MAP7: variants seen among roughly 807,000 people sequenced by gnomAD.
MAP7 encodes ensconsin.
In MAP7, 52 loss-of-function variants were observed where a neutral mutation model predicts 94.8. That is an observed-to-expected ratio of 0.55 (90% CI 0.44 to 0.69). The LOEUF (loss-of-function observed/expected upper bound fraction) is 0.69. MAP7 is among the 30% of genes least tolerant of loss of function. The pLI is 0.00. For missense variants in MAP7, 940 were observed against 964.6 expected (o/e 0.97, Z 0.34); for synonymous variants, 350 against 357.0 (o/e 0.98, Z 0.22).
chr6:136,436,396 T>A (rs200502853), intron 1 of MAP7, among the ~76,000 whole-genome samples: 5 of 149,502 alleles, frequency 3.3e-5, no homozygotes, highest in Non-Finnish European at 7.4e-5. Context: ...TTTTTTTTTT[T>A]AAAGATGGGG....
intron 1 of MAP7, among the ~76,000 whole-genome samples, chr6:136,423,127 T>C (rs1291540806): frequency 6.6e-6 from 1 of 152,200 alleles, no homozygotes; most frequent in Non-Finnish European, 1.5e-5. Context: ...TTCAAGGCCC[T>C]TTCTCCCAGC....
chr6:136,476,287 T>A (rs893187069), intron 1 of MAP7: 1 of 152,220 alleles, frequency 6.6e-6, no homozygotes, highest in Non-Finnish European at 1.5e-5. Flanking sequence ...TCTCAAGAGC[T>A]GTGCTGTCCA....
intron 1 of MAP7, among the ~76,000 whole-genome samples, chr6:136,431,492 C>CTTTATTTATTTATTTATTTA (rs10562140): frequency 2.8e-5 from 4 of 145,352 alleles, no homozygotes; most frequent in Non-Finnish European, 4.5e-5. Flanking sequence ...CTTTTTAATG[C>CTTTATTTATTTATTTATTTA]TTTATTTATT....
intron 1 of MAP7, among the ~76,000 whole-genome samples, chr6:136,530,150 T>G (rs1828362178): frequency 6.6e-6 from 1 of 152,202 alleles, no homozygotes; most frequent in Non-Finnish European, 1.5e-5. Flanking sequence ...AAATTTCCCT[T>G]TCTAAAAGCC....
chr6:136,389,685 T>C (rs1780160217), intron 3 of MAP7, among the ~76,000 whole-genome samples, 168 bp from the exon 4 acceptor site: 2 of 152,074 alleles, frequency 1.3e-5, no homozygotes, highest in Non-Finnish European at 2.9e-5. Context: ...CCAAGAAAAA[T>C]GTATTACTGT....
At chr6:136,461,082 T>C (rs985208426) in intron 1 of MAP7, among the ~76,000 whole-genome samples, 13 of 152,326 alleles carry the variant, frequency 8.5e-5, no homozygotes, top group African/African-American at 2.6e-4. Context: ...TATCCCATTG[T>C]ACACCTTAAA....
intron 16 of MAP7, among the ~76,000 whole-genome samples, chr6:136,349,367 T>C (rs772915382): frequency 2.0e-4 from 30 of 152,236 alleles, no homozygotes; most frequent in Non-Finnish European, 3.7e-4. Context: ...ATATATGTTA[T>C]TAATATATAT....
At chr6:136,497,777 G>A (rs1321932329) in intron 1 of MAP7, among the ~76,000 whole-genome samples, 2 of 118,374 alleles carry the variant, frequency 1.7e-5, no homozygotes, top group African/African-American at 6.8e-5. Context: ...CAGCCTGGGT[G>A]ACAGAGCCAG....
At position 136,409,609 on chromosome 6, in the gene MAP7, A is replaced by AAAG. The variant is rs574996055; in HGVS notation, c.244+2008_244+2010dup. Among the ~76,000 whole-genome samples, 308 of 152,332 alleles carry AAAG rather than the reference A, an allele frequency of 2.0e-3. 1 individual carries two copies. The highest frequency in any genetic ancestry group is 6.7e-3 in the African/African-American group (279 of 41,572). ...TAATGCCTGCTCTTCTATCCCTTTG[A>AAAG]AAGGCTCCTTTCATCCTTTAGTTGG... On this transcript the variant is annotated intron_variant, in intron 3 of 17. Coordinates refer to ENST00000354570, the MANE Select transcript of MAP7 (RefSeq NM_003980.6).
At chr6:136,364,454 T>C in intron 10 of MAP7, 1 of 284,372 alleles carries the variant, frequency 3.5e-6, no homozygotes, top group Non-Finnish European at 6.8e-6. Context: ...CTTTGGTCTT[T>C]TTGACTAAAC....
chr6:136,391,485 G>A (rs1184249209), intron 3 of MAP7, among the ~76,000 whole-genome samples: 2 of 150,048 alleles, frequency 1.3e-5, no homozygotes, highest in African/African-American at 4.9e-5. Flanking sequence ...GCACCAGCAT[G>A]GCACATGTAT....
intron 1 of MAP7, among the ~76,000 whole-genome samples, chr6:136,479,274 G>A (rs1433090318): frequency 6.6e-6 from 1 of 152,110 alleles, no homozygotes; most frequent in African/African-American, 2.4e-5. Flanking sequence ...ATTATTTCAA[G>A]TGATGCTGAA....
chr6:136,440,535 T>G (rs1393780919), intron 1 of MAP7, among the ~76,000 whole-genome samples: 1 of 152,198 alleles, frequency 6.6e-6, no homozygotes, highest in Non-Finnish European at 1.5e-5. Context: ...AGAAAACCTA[T>G]TAACTTATTT....
intron 7 of MAP7, among the ~76,000 whole-genome samples, chr6:136,374,169 G>T (rs997585877): frequency 2.0e-5 from 3 of 152,122 alleles, no homozygotes; most frequent in Non-Finnish European, 4.4e-5. Flanking sequence ...AATAATATAT[G>T]TACGTCTTAA....
chr6:136,408,611 T>A (rs1272268096), intron 3 of MAP7, among the ~76,000 whole-genome samples: 1 of 152,200 alleles, frequency 6.6e-6, no homozygotes, highest in East Asian at 1.9e-4. Context: ...TTTTAAACTT[T>A]ACTTTGCCAG....
chr6:136,394,357 A>G (rs1781686011), intron 3 of MAP7, among the ~76,000 whole-genome samples: 1 of 152,092 alleles, frequency 6.6e-6, no homozygotes, highest in Non-Finnish European at 1.5e-5. Flanking sequence ...AAAGCTTTTT[A>G]GTGGCTGTAT....
intron 16 of MAP7, among the ~76,000 whole-genome samples, chr6:136,352,102 G>A (rs534918936): frequency 6.6e-6 from 1 of 152,096 alleles, no homozygotes; most frequent in East Asian, 1.9e-4. Context: ...CTCTAACAAG[G>A]TCTGGATTAC....
Position 136,397,746 on chromosome 6 carries a change from ATTTCTG to A in MAP7, c.245-8235_245-8230del, listed in dbSNP as rs767590984. 3.9e-5 allele frequency among the ~76,000 whole-genome samples: 6 copies of A among 152,130 alleles called. No individual in the cohort carries two copies. In the South Asian group the frequency reaches 1.2e-3, roughly 32 times the overall value. On this transcript the variant is annotated intron_variant, in intron 3 of 17. Coordinates refer to ENST00000354570, the MANE Select transcript of MAP7 (RefSeq NM_003980.6). ...GGCCTCCAGAGCTGTGAGAAAATAAATTTCTGTTGTTTAAGCTACCCAGTCTATGGT... is the reference window on the plus strand; with the variant it reads ...GGCCTCCAGAGCTGTGAGAAAATAAATTGTTTAAGCTACCCAGTCTATGGT...
intron 1 of MAP7, among the ~76,000 whole-genome samples, chr6:136,510,746 A>C (rs771736461): frequency 5.3e-5 from 8 of 152,268 alleles, no homozygotes; most frequent in Non-Finnish European, 1.2e-4. Context: ...TATTGTTATT[A>C]ATCTCTGTGT....
Sources: allele counts gnomAD v4.1 joint callset (sites outside exome capture counted in the v4.1 genomes callset), GRCh38; gene constraint gnomAD v4.1.1; transcripts MANE v1.5; gene names NCBI Gene and HGNC (gene_info 2026-07-23, HGNC 2026-07-21).